Variants in SLC17A3 observed in about 807,000 individuals in gnomAD.
The protein encoded by SLC17A3 is sodium-dependent phosphate transport protein 4.
Under a neutral mutation model 60.3 loss-of-function variants are expected in SLC17A3, and 61 were observed. The ratio of observed to expected loss-of-function variants is 1.01; its 90% CI spans 0.82 to 1.25. The LOEUF (loss-of-function observed/expected upper bound fraction) is 1.25, where lower values mean the gene tolerates loss of function less well. Ranked by LOEUF, SLC17A3 falls within the 50% of genes most tolerant of loss-of-function variation. The pLI is 0.00. For synonymous variants in SLC17A3, 192 were observed against 208.9 expected, an observed-to-expected ratio of 0.92 and a Z score of 0.70; for missense variants, 624 against 594.9, an observed-to-expected ratio of 1.05 and a Z score of -0.51.
In SLC17A3 at chr6:25,868,517, C is replaced by G. The variant is rs78088212; in HGVS notation, c.-33-97G>C. 3.1e-4 allele frequency: 244 copies of G among 786,918 alleles called. 3 individuals carry two copies. In the East Asian group the frequency reaches 6.4e-3, roughly 21 times the overall value. 48.7% of individuals were successfully genotyped at this position (786,918 alleles called of 1,614,324 possible). A position where few individuals can be genotyped will look rare whatever the true frequency, so the allele number is the denominator to read the frequency against. On this transcript the variant is annotated intron_variant, in intron 1 of 12. Coordinates refer to ENST00000397060, the MANE Select transcript of SLC17A3 (RefSeq NM_001098486.2). ...GGGCACCAAGGAAAAAAAAGCTGGC[C>G]CATTCCATCTGGTTGGAGACAGGGA...
chr6:25,857,374 A>C (rs565568877), intron 5 of SLC17A3, among the ~76,000 whole-genome samples: 8 of 151,766 alleles, frequency 5.3e-5, no homozygotes, highest in African/African-American at 1.9e-4. Context: ...CAGAATCTTT[A>C]TGTATTGTGA....
At chr6:25,868,239 G>T in intron 2 of SLC17A3, 58 bp downstream of exon 2, 2 of 1,209,724 alleles carry the variant, frequency 1.7e-6, no homozygotes, top group South Asian at 1.2e-5. Context: ...ATAGTAATAC[G>T]TTGACAAAAA....
In SLC17A3 at chr6:25,860,909, C is replaced by T. The variant is rs141875061; in HGVS notation, c.625+715G>A. 3.1e-4 allele frequency among the ~76,000 whole-genome samples: 47 copies of T among 152,144 alleles called. 1 individual carries two copies. In the East Asian group the frequency reaches 6.4e-3, roughly 21 times the overall value. ...CAGTTCTAAATGGCAGAGACTAATCCTCCAGAATTGTGAGGGCTTTAGAGT... is the reference window on the plus strand; with the variant it reads ...CAGTTCTAAATGGCAGAGACTAATCTTCCAGAATTGTGAGGGCTTTAGAGT... On this transcript the variant is annotated intron_variant, in intron 5 of 12. Coordinates refer to ENST00000397060, the MANE Select transcript of SLC17A3 (RefSeq NM_001098486.2).
At chr6:25,865,060 TG>T (rs1440884177) in intron 2 of SLC17A3, among the ~76,000 whole-genome samples, 1 of 151,958 alleles carries the variant, frequency 6.6e-6, no homozygotes, top group Non-Finnish European at 1.5e-5. Flanking sequence ...TGTAACATGA[TG>T]TCAAATCCTC....
In SLC17A3 at chr6:25,850,139, C is replaced by G; in HGVS notation, c.1032G>C (p.Trp344Cys). 6.2e-7 allele frequency: 1 copy of G among 1,613,164 alleles called. No individual in the cohort carries two copies. The highest frequency in any genetic ancestry group is 8.5e-7 in the Non-Finnish European group (1 of 1,179,392). The change falls in exon 9 of 13, where the codon TGG becomes TGC. Residue 344 changes from tryptophan (W) to cysteine (C), a missense_variant. Physicochemically the swap from Trp to Cys is radical, Grantham distance 215. Transcript: ENST00000397060. ...GATAGCCTCCCACCATGCCTATGAC[C>G]CAGGCAACAATAAAAGGAAGGGCAG... The part of the protein sequence containing the change: ...LLSALPFIVA[W>C]VIGMVGGYLA...
At position 25,850,825 on chromosome 6, in the gene SLC17A3, G is replaced by T. The variant is rs558665156; in HGVS notation, c.765C>A (p.Asp255Glu). Residue 255 changes from aspartate (D) to glutamate (E), a missense_variant, in exon 7 of 13, where the codon GAC becomes GAA. Transcript: ENST00000397060. Reference sequence around the variant, plus strand: ...TGCTTATCCATGGATAGGAAACGGGGTCATCATAAATCACAACAAACCAGA... The same window carrying T: ...TGCTTATCCATGGATAGGAAACGGGTTCATCATAAATCACAACAAACCAGA... ...CLLWFVVIYD[D>E]PVSYPWISTS... The T allele has an allele frequency of 1.9e-6, 3 of 1,614,054 alleles. No individual in the cohort carries two copies. The highest frequency in any genetic ancestry group is 2.7e-5 in the African/African-American group (2 of 75,014).
rs1765258880 is a variant in SLC17A3 at position 25,850,598 on chromosome 6, A to G, written c.854T>C (p.Leu285Pro). ...KQQVGSSKQP[L>P]PIKAMLRSLP... ...AGATCTGAGCATAGCTTTGATGGGA[A>G]GAGGCTGCTTAGAAGACCCGACCTG... Residue 285 changes from leucine (L) to proline (P), a missense_variant, in exon 8 of 13, where the codon CTT becomes CCT. Transcript: ENST00000397060. 2 of 1,613,964 alleles carry G rather than the reference A, an allele frequency of 1.2e-6. No homozygotes were observed. Among genetic ancestry groups the G allele is most frequent in the Non-Finnish European group, 1.7e-6 (2 of 1,179,938 alleles).
rs1480854370 is a variant in SLC17A3, at chr6:25,862,242, A to G, written c.294T>C (p.Leu98=). The G allele has an allele frequency of 2.5e-6, 4 of 1,612,528 alleles. No individual in the cohort carries two copies. The African/African-American group carries it at 4.0e-5, about 16-fold the overall frequency. Reference sequence around the variant, plus strand: ...ATCTTATGTTGCTTACCTTTGCAGGAAGACTCTTTGGGGCTTTACTTAGGC... The same window carrying G: ...ATCTTATGTTGCTTACCTTTGCAGGGAGACTCTTTGGGGCTTTACTTAGGC... ...FGGLSKAPKS[L]PAKAPVYDWS... Residue 98 remains leucine, a synonymous_variant, in exon 3 of 13, where the codon CTT becomes CTC. Coordinates refer to ENST00000397060, the MANE Select transcript of SLC17A3 (RefSeq NM_001098486.2).
At chr6:25,867,320 G>A (rs1055712609) in intron 2 of SLC17A3, among the ~76,000 whole-genome samples, 2 of 151,872 alleles carry the variant, frequency 1.3e-5, no homozygotes, top group African/African-American at 4.8e-5. Flanking sequence ...AGCAGTTGGA[G>A]TATTCTCACC....
intron 11 of SLC17A3, among the ~76,000 whole-genome samples, chr6:25,848,033 A>G (rs919240610): frequency 3.3e-5 from 5 of 152,196 alleles, no homozygotes; most frequent in African/African-American, 4.8e-5. Context: ...CACTTAGAAT[A>G]ATAGTCTCCA....
At chr6:25,855,515 T>C (rs985282712) in intron 5 of SLC17A3, among the ~76,000 whole-genome samples, 30 of 152,326 alleles carry the variant, frequency 2.0e-4, no homozygotes, top group African/African-American at 7.2e-4. Context: ...AAAAGTAAAC[T>C]ACTACAAGGA....
chr6:25,857,583 A>T (rs1374002609), intron 5 of SLC17A3, among the ~76,000 whole-genome samples: 2 of 151,890 alleles, frequency 1.3e-5, no homozygotes, highest in African/African-American at 2.4e-5. Context: ...AAAAAAAGTC[A>T]CTTATTTACT....
chr6:25,849,987 G>T (rs746558802), intron 9 of SLC17A3, 35 bp from the exon 10 acceptor site: 2 of 1,613,958 alleles, frequency 1.2e-6, no homozygotes, highest in Non-Finnish European at 1.7e-6. Context: ...TAAACAGTGA[G>T]ATGCATTCTT....
chr6:25,873,185 C>T (rs1425495496), intron 1 of SLC17A3, among the ~76,000 whole-genome samples: 1 of 152,112 alleles, frequency 6.6e-6, no homozygotes, highest in African/African-American at 2.4e-5. Flanking sequence ...AGAAAATGCA[C>T]TCTCATTATC....
At chr6:25,856,328 C>T (rs191148136) in intron 5 of SLC17A3, among the ~76,000 whole-genome samples, 1 of 152,238 alleles carries the variant, frequency 6.6e-6, no homozygotes, top group Non-Finnish European at 1.5e-5. Flanking sequence ...TCTCAAACTC[C>T]TAGGCTCAAG....
rs772456900 is a variant in SLC17A3, at chr6:25,861,932, G to T, written c.401C>A (p.Ala134Asp). The T allele has an allele frequency of 6.2e-7, 1 of 1,612,630 alleles. No individual in the cohort carries two copies. Among genetic ancestry groups the T allele is most frequent in the South Asian group, 1.1e-5 (1 of 90,796 alleles). Reference sequence around the variant, plus strand: ...CACTCGCTTTGTTCCTACTCTTCCAGCCAGGTATCCACTGGGAGCCATTGT... The same window carrying T: ...CACTCGCTTTGTTCCTACTCTTCCATCCAGGTATCCACTGGGAGCCATTGT... ...ILTMAPSGYL[A>D]GRVGTKRVVG... is the part of the protein sequence containing the mutation. Residue 134 changes from alanine to aspartate, a missense_variant, in exon 4 of 13, where the codon GCT (alanine) becomes GAT (aspartate). By Grantham distance (126) the Ala-to-Asp change is moderately radical. Transcript: ENST00000397060.
intron 2 of SLC17A3, among the ~76,000 whole-genome samples, chr6:25,865,879 G>C (rs937701686): frequency 6.6e-6 from 1 of 151,974 alleles, no homozygotes. Flanking sequence ...AAGCACCTGA[G>C]GGTATTCTAT....
intron 5 of SLC17A3, among the ~76,000 whole-genome samples, chr6:25,856,445 C>T (rs988256843): frequency 1.3e-5 from 2 of 152,312 alleles, no homozygotes; most frequent in Admixed American, 1.3e-4. Context: ...TGCTGTGTTG[C>T]CCAGGCTGGC....
intron 11 of SLC17A3, among the ~76,000 whole-genome samples, chr6:25,846,549 A>T (rs1765177615): frequency 6.6e-6 from 1 of 152,226 alleles, no homozygotes; most frequent in East Asian, 1.9e-4. Context: ...AGTTACAACC[A>T]GGAGGGGTAC....
Sources: gnomAD v4.1 joint callset for allele counts (sites outside exome capture counted in the v4.1 genomes callset) on GRCh38, gnomAD v4.1.1 for gene constraint, MANE v1.5 for transcripts, NCBI Gene and HGNC (gene_info 2026-07-23, HGNC 2026-07-21) for gene names.